The following SEMA6D variants were observed in gnomAD, a reference collection of about 807,000 sequenced individuals.
The protein encoded by SEMA6D is semaphorin-6D.
In SEMA6D, 35 loss-of-function variants were observed where a neutral mutation model predicts 106.6. That is an observed-to-expected ratio of 0.33 (90% confidence interval 0.25 to 0.44). The LOEUF is 0.44. SEMA6D is among the 20% of genes least tolerant of loss of function. The probability of loss-of-function intolerance (pLI) is 1.00; values close to 1 mark genes in which losing one functional copy is unlikely to be tolerated. For missense variants in SEMA6D, 1,185 were observed against 1,345.9 expected, an observed-to-expected ratio of 0.88 and a Z score of 1.87; for synonymous variants, 499 against 487.7, an observed-to-expected ratio of 1.02 and a Z score of -0.31.
intron 3 of SEMA6D, among the ~76,000 whole-genome samples, chr15:47,600,699 C>T (rs920003787): frequency 2.6e-5 from 4 of 152,084 alleles, no homozygotes; most frequent in African/African-American, 9.7e-5. Context: ...TCCAACTTAG[C>T]TTAAGCCATT....
chr15:47,501,593 T>C (rs1203377497), intron 3 of SEMA6D, among the ~76,000 whole-genome samples: 2 of 152,192 alleles, frequency 1.3e-5, no homozygotes, highest in Non-Finnish European at 2.9e-5. Flanking sequence ...ATATGTGGGA[T>C]CAAGTTCCCC....
chr15:47,530,199 C>A (rs372767646), intron 3 of SEMA6D, among the ~76,000 whole-genome samples: 1 of 152,182 alleles, frequency 6.6e-6, no homozygotes, highest in East Asian at 1.9e-4. Context: ...CAGATACATA[C>A]CACAGGTGTA....
At chr15:47,720,269 T>G (rs893007068) in intron 1 of SEMA6D, among the ~76,000 whole-genome samples, 230 of 140,772 alleles carry the variant, frequency 1.6e-3, no homozygotes, top group African/African-American at 6.7e-3. Flanking sequence ...TTCTTTTTTT[T>G]TTTTTTTTTT....
chr15:47,631,890 G>T (rs1042936506), intron 4 of SEMA6D, among the ~76,000 whole-genome samples: 1 of 151,888 alleles, frequency 6.6e-6, no homozygotes, highest in African/African-American at 2.4e-5. Flanking sequence ...TTCTTTTAAT[G>T]GTAAGCATTT....
intron 3 of SEMA6D, among the ~76,000 whole-genome samples, chr15:47,594,967 G>A (rs117833852): frequency 0.025 from 3,797 of 152,192 alleles, 60 homozygotes; most frequent in Non-Finnish European, 0.033. Context: ...CATGGAGGCT[G>A]AAGTGGTGTA....
At chr15:47,474,060 G>A (rs1259760639) in intron 3 of SEMA6D, among the ~76,000 whole-genome samples, 3 of 152,170 alleles carry the variant, frequency 2.0e-5, no homozygotes, top group Non-Finnish European at 4.4e-5. Context: ...AGGAGAAGGA[G>A]GCTTAATTCC....
At chr15:47,265,088 T>A (rs1446338140) in intron 1 of SEMA6D, among the ~76,000 whole-genome samples, 1 of 152,080 alleles carries the variant, frequency 6.6e-6, no homozygotes, top group Non-Finnish European at 1.5e-5. Flanking sequence ...TTGTGATGTC[T>A]TTGTCTGAAT....
At chr15:47,640,861 T>C (rs924477842) in intron 4 of SEMA6D, among the ~76,000 whole-genome samples, 3 of 146,510 alleles carry the variant, frequency 2.0e-5, no homozygotes, top group African/African-American at 7.5e-5. Flanking sequence ...ATTACATACC[T>C]TTTTTTTTTT....
chr15:47,644,022 T>C (rs1364267269), intron 4 of SEMA6D, among the ~76,000 whole-genome samples: 1 of 152,168 alleles, frequency 6.6e-6, no homozygotes, highest in Non-Finnish European at 1.5e-5. Flanking sequence ...TTCCCCGTTG[T>C]CTAGACTAGT....
At chr15:47,717,787 G>GTGTGTGTGTGTGTA (rs2079171332) in intron 1 of SEMA6D, 95 bp downstream of exon 1, 2 of 145,364 alleles carry the variant, frequency 1.4e-5, no homozygotes, top group African/African-American at 5.8e-5. Flanking sequence ...GTGTGTGTGT[G>GTGTGTGTGTGTGTA]TGTGTGTGCG....
At chr15:47,322,390 TC>T (rs572934289) in intron 1 of SEMA6D, among the ~76,000 whole-genome samples, 2 of 152,180 alleles carry the variant, frequency 1.3e-5, no homozygotes, top group South Asian at 4.1e-4. Flanking sequence ...TCCTATTTCT[TC>T]CATGTCTTTT....
chr15:47,719,756 CA>C (rs1228351711), intron 1 of SEMA6D, among the ~76,000 whole-genome samples: 1 of 152,210 alleles, frequency 6.6e-6, no homozygotes, highest in African/African-American at 2.4e-5. Flanking sequence ...GGCTTAAAAA[CA>C]GTAGCTTTTG....
chr15:47,460,230 G>A (rs1251210268), intron 2 of SEMA6D, among the ~76,000 whole-genome samples: 1 of 152,002 alleles, frequency 6.6e-6, no homozygotes, highest in East Asian at 1.9e-4. Context: ...TTTATGCCCA[G>A]GGAGCTCAGT....
At chr15:47,260,292 T>C (rs138089124) in intron 1 of SEMA6D, among the ~76,000 whole-genome samples, 188 of 152,328 alleles carry the variant, frequency 1.2e-3, no homozygotes, top group African/African-American at 4.4e-3. Context: ...TTGTCTATTA[T>C]GTTAGAAAGC....
chr15:47,415,272 G>A (rs901537529), intron 2 of SEMA6D, among the ~76,000 whole-genome samples: 79 of 152,108 alleles, frequency 5.2e-4, no homozygotes, highest in African/African-American at 1.8e-3. Flanking sequence ...TATTTTTAGT[G>A]TTCTTAATGC....
At chr15:47,267,717 A>G (rs915688543) in intron 1 of SEMA6D, among the ~76,000 whole-genome samples, 1 of 151,608 alleles carries the variant, frequency 6.6e-6, no homozygotes, top group Non-Finnish European at 1.5e-5. Context: ...TCATCTTTTT[A>G]TCTGTTGTTT....
At chr15:47,688,797 G>A (rs117830838) in intron 4 of SEMA6D, among the ~76,000 whole-genome samples, 1,823 of 152,216 alleles carry the variant, frequency 0.012, 12 homozygotes, top group South Asian at 0.047. Context: ...CGAAATCTTT[G>A]GTAAGGTCCC....
At chr15:47,323,139 C>T (rs543268078) in intron 1 of SEMA6D, among the ~76,000 whole-genome samples, 58 of 152,048 alleles carry the variant, frequency 3.8e-4, no homozygotes, top group Non-Finnish European at 6.2e-4. Context: ...TTTTAGCTCC[C>T]GTAGTTTGGG....
chr15:47,663,180 C>A (rs1162018548), intron 4 of SEMA6D, among the ~76,000 whole-genome samples: 1 of 152,092 alleles, frequency 6.6e-6, no homozygotes, highest in East Asian at 1.9e-4. Context: ...ACATCAACTC[C>A]CTTAATTCAG....
Sources: gnomAD v4.1 joint callset for allele counts (sites outside exome capture counted in the v4.1 genomes callset) on GRCh38, gnomAD v4.1.1 for gene constraint, MANE v1.5 for transcripts, NCBI Gene and HGNC (gene_info 2026-07-23, HGNC 2026-07-21) for gene names.